Variants in VRTN observed in about 807,000 individuals in gnomAD.
The protein encoded by VRTN is vertnin.
A neutral mutation model predicts 18.2 loss-of-function variants in VRTN; 5 were observed. The observed-to-expected ratio is 0.27, with a 90% CI of 0.14 to 0.58. The LOEUF (loss-of-function observed/expected upper bound fraction) is 0.58. Ranked by LOEUF, VRTN falls within the 20% of genes least tolerant of loss-of-function variation. The pLI is 0.91. For missense variants in VRTN, 741 were observed against 939.4 expected, an observed-to-expected ratio of 0.79 and a Z score of 2.76; for synonymous variants, 381 against 393.7, an observed-to-expected ratio of 0.97 and a Z score of 0.38.
intron 1 of VRTN, among the ~76,000 whole-genome samples, chr14:74,309,378 C>T (rs2085374175): frequency 6.6e-6 from 1 of 152,220 alleles, no homozygotes; most frequent in African/African-American, 2.4e-5. Context: ...TTTGCAAAAT[C>T]TTCTAACTGG....
At chr14:74,347,354 C>T (rs1189803786), upstream of VRTN, among the ~76,000 whole-genome samples, 2 of 152,220 alleles carry the variant, frequency 1.3e-5, no homozygotes, top group Non-Finnish European at 2.9e-5. Context: ...GATTAAGATG[C>T]AGGAACTGGA....
intron 1 of VRTN, among the ~76,000 whole-genome samples, chr14:74,304,933 G>A (rs2085331082): frequency 6.6e-6 from 1 of 152,140 alleles, no homozygotes; most frequent in African/African-American, 2.4e-5. Flanking sequence ...GGGTAATCTA[G>A]GTTTACAGAT....
chr14:74,331,232 A>AAACC (rs2085521184), intron 1 of VRTN, among the ~76,000 whole-genome samples: 1 of 150,288 alleles, frequency 6.7e-6, no homozygotes, highest in African/African-American at 2.5e-5. Flanking sequence ...ACAAACAAAC[A>AAACC]AACCACAAGT....
At chr14:74,334,056 C>T (rs149293986) in intron 1 of VRTN, among the ~76,000 whole-genome samples, 1 of 152,206 alleles carries the variant, frequency 6.6e-6, no homozygotes, top group East Asian at 1.9e-4. Context: ...CCCAAGTTCA[C>T]ACAAGTAGTA....
intron 1 of VRTN, among the ~76,000 whole-genome samples, chr14:74,332,333 CT>C (rs1250990478): frequency 2.7e-5 from 2 of 74,546 alleles, no homozygotes; most frequent in East Asian, 7.1e-4. Context: ...GACTCCTAAT[CT>C]GTTTTTTTTT....
At position 74,358,567 on chromosome 14, in the gene VRTN, C is replaced by A. The variant is rs192160976; in HGVS notation, c.1784C>A (p.Ser595Tyr). ...TAVMAPPVGASSEDVEGGPSR... is the reference protein window; with the variant it reads ...TAVMAPPVGAYSEDVEGGPSR... ...GTGATGGCCCCACCTGTGGGGGCTTCTTCAGAAGATGTAGAGGGAGGGCCT... is the reference window on the plus strand; with the variant it reads ...GTGATGGCCCCACCTGTGGGGGCTTATTCAGAAGATGTAGAGGGAGGGCCT... Residue 595 changes from serine (S) to tyrosine (Y), a missense_variant, in exon 2 of 2, where the codon TCT (serine) becomes TAT (tyrosine). By Grantham distance (144) the Ser-to-Tyr change is moderately radical. Coordinates refer to ENST00000256362, the MANE Select transcript of VRTN (RefSeq NM_018228.3). This position sits in a 1 kb window ranked among gnomAD's most constrained non-coding sequence, Gnocchi z 5.4. 3 of 1,607,396 alleles carry A rather than the reference C, an allele frequency of 1.9e-6. No individual in the cohort carries two copies. In the East Asian group the frequency reaches 6.7e-5, roughly 36 times the overall value.
At chr14:74,337,008 C>T (rs2085569390) in intron 1 of VRTN, among the ~76,000 whole-genome samples, 1 of 152,124 alleles carries the variant, frequency 6.6e-6, no homozygotes, top group African/African-American at 2.4e-5. Flanking sequence ...TCAGAACATA[C>T]TGTCCTTGAA....
At position 74,358,820 on chromosome 14, in the gene VRTN, C is replaced by T; in HGVS notation, c.2037C>T (p.Pro679=). Reference sequence around the variant, plus strand: ...ACAAGGAGTTCAGTGCCCTCTTTCCCCTCACTGCCCGCTCCACATACTACA... The same window carrying T: ...ACAAGGAGTTCAGTGCCCTCTTTCCTCTCACTGCCCGCTCCACATACTACA... ...PSYKEFSALF[P]LTARSTYYMW... Residue 679 remains proline, a synonymous_variant, in exon 2 of 2, where the codon CCC becomes CCT. Coordinates refer to ENST00000256362, the MANE Select transcript of VRTN (RefSeq NM_018228.3). The surrounding 1 kb of genome is among the most constrained non-coding windows in gnomAD (Gnocchi z 5.4). 6.2e-7 allele frequency: 1 copy of T among 1,614,236 alleles called. No individual in the cohort carries two copies. Among genetic ancestry groups the T allele is most frequent in the Non-Finnish European group, 8.5e-7 (1 of 1,180,038 alleles).
chr14:74,357,955 C>T lies in VRTN; in HGVS notation c.1172C>T (p.Ala391Val). 6.2e-7 allele frequency: 1 copy of T among 1,614,230 alleles called. No homozygotes were observed. The highest frequency in any genetic ancestry group is 8.5e-7 in the Non-Finnish European group (1 of 1,180,046). Residue 391 changes from alanine (A) to valine (V), a missense_variant, in exon 2 of 2, where the codon GCA becomes GTA. This residue lies in a region of VRTN where 494 missense variants were observed against 546.5 expected (regional missense o/e 0.90). Coordinates refer to ENST00000256362, the MANE Select transcript of VRTN (RefSeq NM_018228.3). The surrounding 1 kb of genome is among the most constrained non-coding windows in gnomAD (Gnocchi z 7.8). The part of the protein sequence containing the change: ...QVAEEELECS[A>V]LAVSSPGMVL... The stretch of plus-strand genomic sequence containing the variant: ...GCTGAGGAGGAGCTGGAGTGCTCCG[C>T]ACTGGCGGTGTCAAGCCCTGGAATG...
chr14:74,336,189 C>T (rs1353118710), intron 1 of VRTN, among the ~76,000 whole-genome samples: 3 of 151,792 alleles, frequency 2.0e-5, no homozygotes, highest in African/African-American at 7.3e-5. Flanking sequence ...AGGCAGATCA[C>T]CTGAGGTCAG....
At chr14:74,329,876 C>CTTTTTTT (rs61567546) in intron 1 of VRTN, among the ~76,000 whole-genome samples, 3,758 of 135,308 alleles carry the variant, frequency 0.028, 108 homozygotes, top group African/African-American at 0.062. Flanking sequence ...CGGGCCTGGG[C>CTTTTTTT]TTTTTTTTTT....
chr14:74,308,135 T>C (rs907582994), intron 1 of VRTN, among the ~76,000 whole-genome samples: 1 of 152,076 alleles, frequency 6.6e-6, no homozygotes, highest in African/African-American at 2.4e-5. Context: ...CACAATCCAC[T>C]TGGGCACAGT....
chr14:74,329,275 C>CAAA (rs57850959), intron 1 of VRTN, among the ~76,000 whole-genome samples: 2 of 130,736 alleles, frequency 1.5e-5, no homozygotes, highest in African/African-American at 2.7e-5. Flanking sequence ...AACTCCATCT[C>CAAA]AAAAAAAAAA....
chr14:74,354,050 A>G (rs558780725), intron 1 of VRTN, among the ~76,000 whole-genome samples: 1 of 152,282 alleles, frequency 6.6e-6, no homozygotes, highest in Non-Finnish European at 1.5e-5. Flanking sequence ...TAAACCAGAT[A>G]CTATGGAGAC....
intron 1 of VRTN, among the ~76,000 whole-genome samples, chr14:74,325,308 T>TGTA (rs2085481284): frequency 6.6e-6 from 1 of 151,992 alleles, no homozygotes; most frequent in Non-Finnish European, 1.5e-5. Flanking sequence ...AAAGAGACTT[T>TGTA]GTATGTTGAA....
At chr14:74,326,577 T>G (rs2036275580) in intron 1 of VRTN, among the ~76,000 whole-genome samples, 1 of 152,164 alleles carries the variant, frequency 6.6e-6, no homozygotes, top group Non-Finnish European at 1.5e-5. Flanking sequence ...TCGCACCTGC[T>G]GGCAGCGGGG....
chr14:74,333,509 A>G (rs1347920221), intron 1 of VRTN, among the ~76,000 whole-genome samples: 3 of 150,752 alleles, frequency 2.0e-5, no homozygotes, highest in Non-Finnish European at 4.4e-5. Context: ...AAGAAAAGCA[A>G]GGGTAAAGAA....
intron 1 of VRTN, among the ~76,000 whole-genome samples, chr14:74,336,734 T>C (rs1204053851): frequency 6.6e-6 from 1 of 151,776 alleles, no homozygotes; most frequent in East Asian, 2.0e-4. Flanking sequence ...GATCGTGCCA[T>C]TGCACTCCAG....
At chr14:74,344,304 T>C (rs891878899), upstream of VRTN, among the ~76,000 whole-genome samples, 4 of 131,932 alleles carry the variant, frequency 3.0e-5, no homozygotes, top group Admixed American at 8.5e-5. Context: ...TCCCAGCCAG[T>C]TGGAGAAGCT....
Sources: gnomAD v4.1 joint callset for allele counts (sites outside exome capture counted in the v4.1 genomes callset) on GRCh38, gnomAD v4.1.1 for gene constraint, gnomAD v4.1.1 regional missense constraint, Gnocchi (gnomAD v3.1) non-coding constraint, MANE v1.5 for transcripts, NCBI Gene and HGNC (gene_info 2026-07-23, HGNC 2026-07-21) for gene names.